The following VEPH1 variants were observed in gnomAD, a reference collection of about 807,000 sequenced individuals.
VEPH1 encodes ventricular zone-expressed PH domain-containing protein homolog 1.
A neutral mutation model predicts 85.2 loss-of-function variants in VEPH1; 80 were observed. That is an observed-to-expected ratio of 0.94 (90% CI 0.78 to 1.13). The LOEUF is 1.13. Among genes scored for constraint, VEPH1 ranks in the 50% most tolerant of loss-of-function variants. VEPH1 has a pLI of 0.00. For synonymous variants in VEPH1, 297 were observed against 348.0 expected (o/e 0.85, Z 1.63); for missense variants, 955 against 980.5 (o/e 0.97, Z 0.35).
At chr3:157,409,632 T>C (rs1731392690) in intron 6 of VEPH1, 1 of 985,278 alleles carries the variant, frequency 1.0e-6, no homozygotes, top group Non-Finnish European at 1.2e-6. Flanking sequence ...GAATGTAATA[T>C]AGATGGAAAA....
chr3:157,401,692 C>T (rs1463173471), intron 6 of VEPH1, among the ~76,000 whole-genome samples: 1 of 151,728 alleles, frequency 6.6e-6, no homozygotes, highest in Non-Finnish European at 1.5e-5. Context: ...CCCACCAAAC[C>T]TTCTAACACT....
At position 157,273,461 on chromosome 3, in the gene VEPH1, C is replaced by T. The variant is rs76984675; in HGVS notation, c.2129-7799G>A. On this transcript the variant is annotated intron_variant, in intron 12 of 13. Transcript: ENST00000362010. ...GCAGAAAAGCTTGCTAGAGTAGATG[C>T]TGTCTGGGCTGAATTCTCAGGGACA... is the stretch of plus-strand genomic sequence containing the variant. Among the ~76,000 whole-genome samples, 36 of 152,252 alleles carry T rather than the reference C, an allele frequency of 2.4e-4. No homozygotes were observed. The East Asian group carries it at 4.2e-3, about 18-fold the overall frequency.
intron 3 of VEPH1, among the ~76,000 whole-genome samples, chr3:157,462,176 C>T (rs941878616): frequency 2.7e-5 from 4 of 150,904 alleles, no homozygotes; most frequent in East Asian, 1.9e-4. Context: ...TAAACAGACA[C>T]GTTACAAAAT....
At chr3:157,271,273 C>T (rs907924435) in intron 12 of VEPH1, among the ~76,000 whole-genome samples, 6 of 152,212 alleles carry the variant, frequency 3.9e-5, no homozygotes, top group East Asian at 3.9e-4. Context: ...CTAGAGCCTG[C>T]GAGGGTCCAG....
At chr3:157,402,249 C>A (rs113453710) in intron 6 of VEPH1, among the ~76,000 whole-genome samples, 1 of 152,140 alleles carries the variant, frequency 6.6e-6, no homozygotes, top group Non-Finnish European at 1.5e-5. Context: ...CACTCTCTTA[C>A]CCCCTAGCTT....
At chr3:157,290,926 AT>A (rs1409916646) in intron 11 of VEPH1, among the ~76,000 whole-genome samples, 5 of 152,234 alleles carry the variant, frequency 3.3e-5, no homozygotes. Flanking sequence ...AAATGACAGC[AT>A]GAGTCAACGC....
Position 157,437,197 on chromosome 3 carries a change from C to T in VEPH1, c.530-8709G>A. 2.4e-6 allele frequency: 3 copies of T among 1,242,300 alleles called. No homozygotes were observed. The South Asian group carries it at 3.9e-5, about 16-fold the overall frequency. The allele number at this position is 1,242,300 out of a possible 1,614,324, so 77.0% of individuals were successfully genotyped here. On this transcript the variant is annotated intron_variant, in intron 4 of 13. Transcript: ENST00000362010. ...GCTTGTTATGCAAAAGTGAGAAGCA[C>T]TTGAAGAAAGATGGAGGTTTCAAAG...
At chr3:157,304,038 T>TATATATATATATATACAC in intron 11 of VEPH1, among the ~76,000 whole-genome samples, 2 of 96,916 alleles carry the variant, frequency 2.1e-5, no homozygotes, top group African/African-American at 6.1e-5. Flanking sequence ...TATATATATA[T>TATATATATATATATACAC]ACACACATAC....
At chr3:157,437,756 G>C (rs1733739619) in intron 4 of VEPH1, 1 of 1,489,268 alleles carries the variant, frequency 6.7e-7, no homozygotes, top group Non-Finnish European at 8.9e-7. Context: ...CAGGCGACCC[G>C]CGACGCGGGC....
intron 12 of VEPH1, among the ~76,000 whole-genome samples, chr3:157,270,284 A>AT (rs1246302955): frequency 6.6e-6 from 1 of 151,088 alleles, no homozygotes; most frequent in Non-Finnish European, 1.5e-5. Context: ...AAAAAAAAAA[A>AT]GCAAAACAAA....
chr3:157,283,990 G>T (rs1716459799), intron 12 of VEPH1, among the ~76,000 whole-genome samples: 1 of 152,198 alleles, frequency 6.6e-6, no homozygotes, highest in Non-Finnish European at 1.5e-5. Context: ...GTTGGGCATA[G>T]TACATTCTAG....
chr3:157,293,440 G>A (rs535981706), intron 11 of VEPH1, among the ~76,000 whole-genome samples: 1 of 152,188 alleles, frequency 6.6e-6, no homozygotes, highest in East Asian at 1.9e-4. Context: ...GAGTCCCTAT[G>A]TGTTGGGAAG....
chr3:157,484,269 A>G (rs1738414920), intron 2 of VEPH1, among the ~76,000 whole-genome samples: 1 of 152,200 alleles, frequency 6.6e-6, no homozygotes, highest in Non-Finnish European at 1.5e-5. Context: ...TAGAGAGTTT[A>G]TCATTAACAG....
At chr3:157,381,849 G>A (rs13087207) in intron 6 of VEPH1, among the ~76,000 whole-genome samples, 102,665 of 152,138 alleles carry the variant, frequency 0.67, 34,945 homozygotes, top group East Asian at 0.79. Context: ...GTTCCTCTGA[G>A]TCTGCTTCTT....
intron 9 of VEPH1, among the ~76,000 whole-genome samples, chr3:157,340,614 C>T (rs1221956731): frequency 1.3e-5 from 2 of 152,144 alleles, no homozygotes; most frequent in East Asian, 3.9e-4. Context: ...CATAGCTGAA[C>T]AAAAGGGAGC....
At chr3:157,268,376 C>T (rs1173198721) in intron 12 of VEPH1, among the ~76,000 whole-genome samples, 1 of 151,910 alleles carries the variant, frequency 6.6e-6, no homozygotes, top group African/African-American at 2.4e-5. Context: ...AAGAAGGTTT[C>T]AAGAGGTGAT....
chr3:157,500,023 G>T lies in VEPH1; in HGVS notation c.-158+3254C>A, dbSNP rs186352338. Among the ~76,000 whole-genome samples the T allele has an allele frequency of 3.1e-3, 472 of 152,308 alleles. 1 individual carries two copies. The highest frequency in any genetic ancestry group is 0.01 in the African/African-American group (421 of 41,560). ...TGAAAGTTGAAGTATGCGGGAAGTT[G>T]CTAATAAACAGAACAAACTTCACAA... On this transcript the variant is annotated intron_variant, in intron 1 of 13. Transcript: ENST00000362010.
At chr3:157,341,126 C>T (rs1294076310) in intron 9 of VEPH1, among the ~76,000 whole-genome samples, 1 of 152,236 alleles carries the variant, frequency 6.6e-6, no homozygotes, top group Non-Finnish European at 1.5e-5. Flanking sequence ...GCCTCTCCCC[C>T]TCCAAAGGAA....
At chr3:157,292,827 A>T in intron 11 of VEPH1, among the ~76,000 whole-genome samples, 1 of 150,500 alleles carries the variant, frequency 6.6e-6, no homozygotes, top group Non-Finnish European at 1.5e-5. Flanking sequence ...AAAAAAAAAA[A>T]AAAAAATTAG....
Sources: gnomAD v4.1 joint callset for allele counts (sites outside exome capture counted in the v4.1 genomes callset) on GRCh38, gnomAD v4.1.1 for gene constraint, MANE v1.5 for transcripts, NCBI Gene and HGNC (gene_info 2026-07-23, HGNC 2026-07-21) for gene names.